The following TMEM45A variants were observed in gnomAD, a reference collection of about 807,000 sequenced individuals.
The protein encoded by TMEM45A is transmembrane protein 45A.
A neutral mutation model predicts 32.0 loss-of-function variants in TMEM45A; 25 were observed. The ratio of observed to expected loss-of-function variants is 0.78; its 90% CI spans 0.57 to 1.09. The LOEUF (loss-of-function observed/expected upper bound fraction) is 1.09, where lower values mean the gene tolerates loss of function less well. Ranked by LOEUF, TMEM45A falls within the 50% of genes least tolerant of loss-of-function variation. The pLI is 0.00. For missense variants in TMEM45A, 302 were observed against 325.0 expected (o/e 0.93, Z 0.54); for synonymous variants, 122 against 114.8 (o/e 1.06, Z -0.40).
At chr3:100,518,776 C>A (rs578146756) in intron 1 of TMEM45A, among the ~76,000 whole-genome samples, 3 of 152,108 alleles carry the variant, frequency 2.0e-5, no homozygotes, top group Non-Finnish European at 4.4e-5. Context: ...ATGAGATGGT[C>A]GGCTTAGGTT....
chr3:100,558,321 T>A (rs537101157), intron 3 of TMEM45A, 84 bp from the exon 4 acceptor site: 910 of 1,534,280 alleles, frequency 5.9e-4, no homozygotes, highest in Non-Finnish European at 7.8e-4. Flanking sequence ...TGTGTAAAAT[T>A]CTGTCTACGG....
At chr3:100,522,675 C>G (rs1213929897) in intron 1 of TMEM45A, among the ~76,000 whole-genome samples, 2 of 152,104 alleles carry the variant, frequency 1.3e-5, no homozygotes, top group African/African-American at 2.4e-5. Context: ...TAGTCCTTGC[C>G]CCCTCACCCT....
chr3:100,569,113 A>C lies in TMEM45A; in HGVS notation c.734+146A>C, dbSNP rs371026509. On this transcript the variant is annotated intron_variant, in intron 5 of 5. Transcript: ENST00000323523. ...GTAGCATAGCAGAACATTATCTGCA[A>C]ACACAAAAATTCCCAGTAAAAAGAA... 112 of 849,194 alleles carry C rather than the reference A, an allele frequency of 1.3e-4. 2 individuals are homozygous for C. The East Asian group carries it at 1.7e-3, about 13-fold the overall frequency. 52.6% of individuals were successfully genotyped at this position (849,194 alleles called of 1,614,324 possible). A position where few individuals can be genotyped will look rare whatever the true frequency, so the allele number is the denominator to read the frequency against.
At chr3:100,516,736 A>G (rs1708267783) in intron 1 of TMEM45A, among the ~76,000 whole-genome samples, 1 of 152,224 alleles carries the variant, frequency 6.6e-6, no homozygotes, top group Non-Finnish European at 1.5e-5. Flanking sequence ...TTGGAAATAG[A>G]ATTTATATAC....
At chr3:100,513,775 A>G (rs1708209781) in intron 1 of TMEM45A, among the ~76,000 whole-genome samples, 2 of 152,188 alleles carry the variant, frequency 1.3e-5, no homozygotes, top group Non-Finnish European at 2.9e-5. Context: ...AACTTCAGCA[A>G]AGTCTCAGGA....
intron 1 of TMEM45A, among the ~76,000 whole-genome samples, chr3:100,505,536 C>T (rs1244677219): frequency 6.6e-6 from 1 of 152,186 alleles, no homozygotes; most frequent in Non-Finnish European, 1.5e-5. Flanking sequence ...CTTTGCCAAG[C>T]ATCCCAGGTG....
At chr3:100,575,275 G>A (rs987316131) in intron 5 of TMEM45A, among the ~76,000 whole-genome samples, 4 of 151,688 alleles carry the variant, frequency 2.6e-5, no homozygotes, top group African/African-American at 9.7e-5. Context: ...GAGAAGTGGA[G>A]AGCCTGCTGA....
At chr3:100,505,990 G>A (rs1708074338) in intron 1 of TMEM45A, among the ~76,000 whole-genome samples, 1 of 152,186 alleles carries the variant, frequency 6.6e-6, no homozygotes, top group East Asian at 1.9e-4. Context: ...TGCATGGAGA[G>A]AGAGGACCCC....
At chr3:100,538,861 C>T (rs1203166869) in intron 1 of TMEM45A, among the ~76,000 whole-genome samples, 15 of 151,184 alleles carry the variant, frequency 9.9e-5, no homozygotes, top group East Asian at 1.9e-4. Flanking sequence ...ACATTAGCAC[C>T]GAAAAGGAAA....
rs1466857603 is a variant in TMEM45A, at chr3:100,534,961, AG to A, written c.-3-20247del. On this transcript the variant is annotated intron_variant, in intron 1 of 5. Transcript: ENST00000323523. ...TAGCCTTGATTCTTCTGCTCAGCTC[AG>A]CTCTGCACTTCCCAATAGGAACCAC... Among the ~76,000 whole-genome samples the A allele has an allele frequency of 8.3e-4, 37 of 44,760 alleles. 1 individual carries two copies. The East Asian group carries it at 0.013, about 16-fold the overall frequency. 29.4% of individuals were successfully genotyped at this position (44,760 alleles called of 152,430 possible). A position where few individuals can be genotyped will look rare whatever the true frequency, so the allele number is the denominator to read the frequency against.
intron 1 of TMEM45A, among the ~76,000 whole-genome samples, chr3:100,508,630 G>T (rs1053836280): frequency 9.2e-5 from 14 of 152,060 alleles, no homozygotes; most frequent in African/African-American, 2.9e-4. Context: ...AAGTGGAACA[G>T]AATAGAGAAT....
At position 100,529,113 on chromosome 3, in the gene TMEM45A, C is replaced by G. The variant is rs572354697; in HGVS notation, c.-3-26096C>G. Among the ~76,000 whole-genome samples the G allele has an allele frequency of 2.3e-3, 348 of 152,290 alleles. 1 individual carries two copies. The highest frequency in any genetic ancestry group is 4.4e-3 in the Non-Finnish European group (296 of 68,020). On this transcript the variant is annotated intron_variant, in intron 1 of 5. Transcript: ENST00000323523. ...GAATGCCATTGTTTCCACACAAACA[C>G]TCCTTTCCCCCATAAGACCTCAAAT...
chr3:100,514,799 A>T (rs1422751791), intron 1 of TMEM45A, among the ~76,000 whole-genome samples: 1 of 151,664 alleles, frequency 6.6e-6, no homozygotes, highest in East Asian at 1.9e-4. Flanking sequence ...AAACAACCCC[A>T]TCAAAAAGTG....
At chr3:100,539,490 T>TGTATACGTATAC (rs1254590126) in intron 1 of TMEM45A, among the ~76,000 whole-genome samples, 1,551 of 72,302 alleles carry the variant, frequency 0.021, 67 homozygotes, top group East Asian at 0.031. Context: ...TATATGTATA[T>TGTATACGTATAC]GTATACGTAT....
intron 1 of TMEM45A, among the ~76,000 whole-genome samples, chr3:100,509,299 A>C (rs1708121153): frequency 6.6e-6 from 1 of 152,262 alleles, no homozygotes; most frequent in African/African-American, 2.4e-5. Context: ...GCTGGCAAGG[A>C]CATGGAGAAA....
At chr3:100,533,989 T>C (rs1338124429) in intron 1 of TMEM45A, among the ~76,000 whole-genome samples, 1 of 152,074 alleles carries the variant, frequency 6.6e-6, no homozygotes, top group Non-Finnish European at 1.5e-5. Context: ...CTCTAGAGAT[T>C]GGGCCCTATA....
At chr3:100,560,986 T>C (rs1226201892) in intron 4 of TMEM45A, among the ~76,000 whole-genome samples, 1 of 152,186 alleles carries the variant, frequency 6.6e-6, no homozygotes, top group Non-Finnish European at 1.5e-5. Flanking sequence ...AATCCGTGAT[T>C]ATTTAGAAAA....
At chr3:100,565,146 G>T (rs1172345301) in intron 4 of TMEM45A, among the ~76,000 whole-genome samples, 1 of 152,172 alleles carries the variant, frequency 6.6e-6, no homozygotes, top group Non-Finnish European at 1.5e-5. Context: ...AAGTCCTTGA[G>T]TTCCAATCTT....
At chr3:100,503,669 A>C (rs1047937180) in intron 1 of TMEM45A, among the ~76,000 whole-genome samples, 2 of 152,222 alleles carry the variant, frequency 1.3e-5, no homozygotes, top group African/African-American at 2.4e-5. Context: ...CAATCTTGCT[A>C]TGAAGCTTTT....
Sources: gnomAD v4.1 joint callset for allele counts (sites outside exome capture counted in the v4.1 genomes callset) on GRCh38, gnomAD v4.1.1 for gene constraint, MANE v1.5 for transcripts, NCBI Gene and HGNC (gene_info 2026-07-23, HGNC 2026-07-21) for gene names.